SLC24A2: variants seen among roughly 807,000 people sequenced by gnomAD.
SLC24A2 encodes solute carrier family 24 member 2.
In SLC24A2, 36 loss-of-function variants were observed where a neutral mutation model predicts 62.0. The ratio of observed to expected loss-of-function variants is 0.58; its 90% CI spans 0.44 to 0.77. The LOEUF (loss-of-function observed/expected upper bound fraction) is 0.77. Ranked by LOEUF, SLC24A2 falls within the 30% of genes least tolerant of loss-of-function variation. SLC24A2 has a pLI of 0.00. For missense variants in SLC24A2, 846 were observed against 817.9 expected (o/e 1.03, Z -0.42); for synonymous variants, 358 against 294.0 (o/e 1.22, Z -2.23).
chr9:20,188,772 G>T, the SLC24A2 span, among the ~76,000 whole-genome samples: 31 of 152,266 alleles, frequency 2.0e-4, no homozygotes, highest in Middle Eastern at 3.4e-3. Flanking sequence ...CAAGGAAACA[G>T]ATGCTCCCTA....
chr9:19,733,717 G>C (rs932792830), intron 2 of SLC24A2, among the ~76,000 whole-genome samples: 2 of 152,114 alleles, frequency 1.3e-5, no homozygotes, highest in African/African-American at 4.8e-5. Flanking sequence ...ATGTCCTCTG[G>C]ACCCCTGATT....
chr9:19,611,476 C>T (rs557249787), intron 4 of SLC24A2, among the ~76,000 whole-genome samples: 5 of 147,558 alleles, frequency 3.4e-5, no homozygotes, highest in Admixed American at 1.4e-4. Flanking sequence ...AGAGAGGAGG[C>T]GGGAGGGGAA....
At chr9:19,554,480 G>A (rs1367954144) in intron 7 of SLC24A2, among the ~76,000 whole-genome samples, 2 of 152,106 alleles carry the variant, frequency 1.3e-5, no homozygotes, top group Admixed American at 1.3e-4. Context: ...TGGTAACCTT[G>A]GGGATCTTGG....
the SLC24A2 span, among the ~76,000 whole-genome samples, chr9:19,803,160 A>T: frequency 5.9e-5 from 9 of 152,254 alleles, no homozygotes; most frequent in East Asian, 3.8e-4. Context: ...GGACTGAGAC[A>T]GGACACATTG....
At chr9:19,568,707 C>G (rs189134728) in intron 7 of SLC24A2, among the ~76,000 whole-genome samples, 3 of 152,256 alleles carry the variant, frequency 2.0e-5, no homozygotes, top group East Asian at 1.9e-4. Context: ...TGATAGTGAC[C>G]AAAGCACATT....
At chr9:19,953,758 C>A in the SLC24A2 span, among the ~76,000 whole-genome samples, 2 of 152,170 alleles carry the variant, frequency 1.3e-5, no homozygotes, top group South Asian at 2.1e-4. Flanking sequence ...CACTGAACAA[C>A]TTTTAAAACT....
chr9:19,608,647 G>C (rs113624971), intron 4 of SLC24A2, among the ~76,000 whole-genome samples: 2 of 152,168 alleles, frequency 1.3e-5, no homozygotes, highest in Admixed American at 6.5e-5. Context: ...ACTGCTGAGA[G>C]AATTACATGA....
chr9:19,773,231 T>C (rs1269776047), intron 2 of SLC24A2, among the ~76,000 whole-genome samples: 1 of 152,160 alleles, frequency 6.6e-6, no homozygotes, highest in Non-Finnish European at 1.5e-5. Context: ...TAAAATTAGA[T>C]AGTGATGATG....
At chr9:20,256,543 CCTA>C in the SLC24A2 span, among the ~76,000 whole-genome samples, 1 of 152,126 alleles carries the variant, frequency 6.6e-6, no homozygotes. Context: ...TGTTTCCTGC[CCTA>C]CTGCTACCTC....
chr9:19,776,271 T>A (rs984827251), intron 2 of SLC24A2, among the ~76,000 whole-genome samples: 4 of 152,236 alleles, frequency 2.6e-5, no homozygotes. Flanking sequence ...AGAACTAGCT[T>A]GCAGTTTGAA....
At chr9:20,015,718 A>G in the SLC24A2 span, among the ~76,000 whole-genome samples, 15 of 152,236 alleles carry the variant, frequency 9.9e-5, no homozygotes, top group African/African-American at 3.4e-4. Flanking sequence ...CAAAGGAGAC[A>G]GGAAATGGGT....
chr9:19,736,320 A>C (rs2118743016), intron 2 of SLC24A2, among the ~76,000 whole-genome samples: 1 of 152,306 alleles, frequency 6.6e-6, no homozygotes, highest in Admixed American at 6.5e-5. Context: ...AAATATACCC[A>C]AAATTACATC....
At chr9:20,097,893 A>C in the SLC24A2 span, among the ~76,000 whole-genome samples, 5,782 of 151,140 alleles carry the variant, frequency 0.038, 134 homozygotes, top group South Asian at 0.1. Flanking sequence ...CAGGCGCTCG[A>C]CACCACGCCG....
chr9:19,885,715 C>T, the SLC24A2 span, among the ~76,000 whole-genome samples: 11 of 152,024 alleles, frequency 7.2e-5, no homozygotes, highest in Non-Finnish European at 1.2e-4. Context: ...GCATAGTACC[C>T]GATAGGTATT....
chr9:19,529,955 G>A (rs1336079078), intron 8 of SLC24A2, among the ~76,000 whole-genome samples: 2 of 151,756 alleles, frequency 1.3e-5, no homozygotes, highest in African/African-American at 4.8e-5. Flanking sequence ...GTTTCACCAT[G>A]TTGGCCAGGC....
intron 2 of SLC24A2, among the ~76,000 whole-genome samples, chr9:19,661,414 G>C (rs1357909265): frequency 6.6e-6 from 1 of 152,060 alleles, no homozygotes; most frequent in African/African-American, 2.4e-5. Context: ...TATCCATGCA[G>C]GGTCTTGCTT....
intron 7 of SLC24A2, among the ~76,000 whole-genome samples, chr9:19,555,980 T>G (rs898639593): frequency 1.3e-5 from 2 of 152,208 alleles, no homozygotes; most frequent in African/African-American, 4.8e-5. Flanking sequence ...TACATGTTAT[T>G]CTAAGTGACA....
chr9:19,876,365 C>CGCGT, the SLC24A2 span, among the ~76,000 whole-genome samples: 1 of 145,524 alleles, frequency 6.9e-6, no homozygotes, highest in East Asian at 2.1e-4. Context: ...TTATTGAAGG[C>CGCGT]GTGTGTGTGT....
At chr9:20,129,451 CAGA>C in the SLC24A2 span, among the ~76,000 whole-genome samples, 1 of 152,076 alleles carries the variant, frequency 6.6e-6, no homozygotes. Flanking sequence ...GAATTAAAAA[CAGA>C]AGTTCAAACA....
Sources: allele counts gnomAD v4.1 joint callset (sites outside exome capture counted in the v4.1 genomes callset), GRCh38; gene constraint gnomAD v4.1.1; transcripts MANE v1.5; gene names NCBI Gene and HGNC (gene_info 2026-07-23, HGNC 2026-07-21).